SPATA22: variants seen among roughly 807,000 people sequenced by gnomAD.
The protein encoded by SPATA22 is spermatogenesis-associated protein 22.
Under a neutral mutation model 47.8 loss-of-function variants are expected in SPATA22, and 29 were observed. That is an observed-to-expected ratio of 0.61 (90% confidence interval 0.45 to 0.83). SPATA22 has a LOEUF of 0.83. SPATA22 is among the 40% of genes least tolerant of loss of function. The pLI is 0.00. For synonymous variants in SPATA22, 133 were observed against 140.9 expected (o/e 0.94, Z 0.40); for missense variants, 410 against 421.7 (o/e 0.97, Z 0.24).
chr17:3,468,096 G>A (rs2073353813), intron 2 of SPATA22: 1 of 152,148 alleles, frequency 6.6e-6, no homozygotes, highest in South Asian at 2.1e-4. Flanking sequence ...TCAAAACTCT[G>A]CAATTTTAAC....
At position 3,493,286 on chromosome 17, in the gene SPATA22, G is replaced by A. The variant is rs2073853742; in HGVS notation, c.-74+20126C>T. Among the ~76,000 whole-genome samples the A allele has an allele frequency of 2.0e-5, 3 of 152,164 alleles. No homozygotes were observed. In the South Asian group the frequency reaches 6.2e-4, roughly 31 times the overall value. On this transcript the variant is annotated intron_variant, in intron 1 of 8. Transcript: ENST00000541913. ...GTACTTAGTTAAGAAAAAGAGGCTG[G>A]GCATGGTGGCTCACGCCTGTAATCC...
intron 1 of SPATA22, among the ~76,000 whole-genome samples, chr17:3,507,203 T>C (rs551991280): frequency 6.6e-6 from 1 of 152,178 alleles, no homozygotes; most frequent in Non-Finnish European, 1.5e-5. Context: ...TTAAGAAGTA[T>C]GATGGTTTTG....
intron 1 of SPATA22, among the ~76,000 whole-genome samples, chr17:3,480,008 T>C (rs903573825): frequency 6.0e-5 from 9 of 151,158 alleles, no homozygotes; most frequent in Non-Finnish European, 8.8e-5. Context: ...AAAATACATA[T>C]ATCTGTACCT....
chr17:3,453,562 G>GT lies in SPATA22; in HGVS notation c.330-4414dup, dbSNP rs1188685413. ...ACATCATAATGGGGGAAAACTGAAA[G>GT]TTTTTTTTCAAAGATCCAGTACGAC... is the stretch of plus-strand genomic sequence containing the variant. On this transcript the variant is annotated intron_variant, in intron 5 of 8. Coordinates refer to ENST00000572969, the MANE Select transcript of SPATA22 (RefSeq NM_001170698.2). Among the ~76,000 whole-genome samples, 5 of 152,056 alleles carry GT rather than the reference G, an allele frequency of 3.3e-5. No individual in the cohort carries two copies. The South Asian group carries it at 1.0e-3, about 32-fold the overall frequency.
Position 3,440,318 on chromosome 17 carries a change from C to A in SPATA22, c.921G>T (p.Leu307=), listed in dbSNP as rs759295123. ...FYEIDRELPR[L]IRGRVHRCVG... Reference sequence around the variant, plus strand: ...CACATCTATGAACTCGGCCTCTAATCAGTCTCGGAAGTTCACGATCCTGTT... The same window carrying A: ...CACATCTATGAACTCGGCCTCTAATAAGTCTCGGAAGTTCACGATCCTGTT... Residue 307 remains leucine (L), a synonymous_variant, in exon 9 of 9, where the codon CTG becomes CTT. Transcript: ENST00000572969. 2 of 1,551,968 alleles carry A rather than the reference C, an allele frequency of 1.3e-6. No individual in the cohort carries two copies. The highest frequency in any genetic ancestry group is 1.7e-6 in the Non-Finnish European group (2 of 1,146,668).
intron 2 of SPATA22, among the ~76,000 whole-genome samples, chr17:3,469,049 A>G (rs1388920359): frequency 6.6e-6 from 1 of 152,222 alleles, no homozygotes; most frequent in East Asian, 1.9e-4. Context: ...ACTCAAGCAC[A>G]TCGAATTTGT....
chr17:3,479,633 C>A (rs1212094880), intron 1 of SPATA22, among the ~76,000 whole-genome samples: 2 of 152,028 alleles, frequency 1.3e-5, no homozygotes, highest in Non-Finnish European at 2.9e-5. Flanking sequence ...TTCCACCTTC[C>A]CCCTGCACCG....
intron 1 of SPATA22, among the ~76,000 whole-genome samples, chr17:3,493,990 T>C (rs1035778218): frequency 6.6e-6 from 1 of 152,134 alleles, no homozygotes; most frequent in African/African-American, 2.4e-5. Context: ...ATTGTTGCTG[T>C]TGTTATTATT....
chr17:3,460,861 A>C (rs190848110), intron 5 of SPATA22, among the ~76,000 whole-genome samples: 5 of 151,528 alleles, frequency 3.3e-5, no homozygotes, highest in South Asian at 2.1e-4. Flanking sequence ...TCCTCAACTG[A>C]GATGTCTTAA....
In SPATA22 at chr17:3,490,037, C is replaced by T. The variant is rs1321562407; in HGVS notation, c.-73-20639G>A. Among the ~76,000 whole-genome samples the T allele has an allele frequency of 2.6e-5, 4 of 152,052 alleles. No homozygotes were observed. The highest frequency in any genetic ancestry group is 4.8e-5 in the African/African-American group (2 of 41,402). Reference sequence around the variant, plus strand: ...AATTAGCAGAAAGCAAGTTGCAGACCAAGACATTCAGTACACCAATTGGCT... The same window carrying T: ...AATTAGCAGAAAGCAAGTTGCAGACTAAGACATTCAGTACACCAATTGGCT... On this transcript the variant is annotated intron_variant, in intron 1 of 8. Transcript: ENST00000541913. This position sits in a 1 kb window ranked among gnomAD's most constrained non-coding sequence, Gnocchi z 4.6.
chr17:3,456,244 T>G (rs993746236), intron 5 of SPATA22, among the ~76,000 whole-genome samples: 2 of 151,376 alleles, frequency 1.3e-5, no homozygotes, highest in African/African-American at 4.9e-5. Context: ...CTTCAAAAAA[T>G]TAATGAATCC....
At chr17:3,464,018 C>T (rs964767992) in intron 3 of SPATA22, among the ~76,000 whole-genome samples, 59 of 144,904 alleles carry the variant, frequency 4.1e-4, no homozygotes, top group African/African-American at 1.4e-3. Context: ...CCACGGTCTC[C>T]CTCTCATGCC....
In SPATA22 at chr17:3,490,007, A is replaced by G. The variant is rs1326368705; in HGVS notation, c.-73-20609T>C. Among the ~76,000 whole-genome samples, 1 of 152,206 alleles carries G rather than the reference A, an allele frequency of 6.6e-6. No individual in the cohort carries two copies. The highest frequency in any genetic ancestry group is 2.4e-5 in the African/African-American group (1 of 41,456). On this transcript the variant is annotated intron_variant, in intron 1 of 8. Coordinates refer to the SPATA22 transcript ENST00000541913. The surrounding 1 kb of genome is among the most constrained non-coding windows in gnomAD (Gnocchi z 4.6). ...AACATGGAAGAATCTTCAAAACACA[A>G]TGGTAATTAGCAGAAAGCAAGTTGC...
At chr17:3,446,844 C>T (rs944239969) in intron 6 of SPATA22, among the ~76,000 whole-genome samples, 1 of 152,108 alleles carries the variant, frequency 6.6e-6, no homozygotes, top group African/African-American at 2.4e-5. Flanking sequence ...TTCATTCACT[C>T]ATTCATTCAT....
At chr17:3,500,999 A>G (rs1312446245) in intron 1 of SPATA22, 2 of 152,018 alleles carry the variant, frequency 1.3e-5, no homozygotes, top group Non-Finnish European at 2.9e-5. Flanking sequence ...ACAATACACC[A>G]TGTTACCCAA....
At chr17:3,469,246 T>C (rs1171169855) in intron 2 of SPATA22, 37 bp downstream of exon 2, 1 of 939,112 alleles carries the variant, frequency 1.1e-6, no homozygotes, top group Non-Finnish European at 1.7e-6. Flanking sequence ...CTTTATATGC[T>C]ATACAGAAAA....
At chr17:3,461,962 A>G (rs1037115558) in intron 5 of SPATA22, among the ~76,000 whole-genome samples, 33 of 152,238 alleles carry the variant, frequency 2.2e-4, no homozygotes, top group Non-Finnish European at 4.3e-4. Flanking sequence ...CCTTATGGCA[A>G]GAACCCTCAC....
intron 1 of SPATA22, among the ~76,000 whole-genome samples, chr17:3,480,990 C>T (rs990976368): frequency 1.1e-4 from 16 of 151,908 alleles, no homozygotes; most frequent in Admixed American, 6.6e-5. Flanking sequence ...CATGGTGGCA[C>T]GCACCTGTAG....
chr17:3,446,921 G>T (rs2072738895), intron 6 of SPATA22, among the ~76,000 whole-genome samples: 2 of 152,058 alleles, frequency 1.3e-5, no homozygotes, highest in African/African-American at 4.8e-5. Flanking sequence ...CCTTTCCCTA[G>T]TGCACTCACA....
Sources: allele counts gnomAD v4.1 joint callset (sites outside exome capture counted in the v4.1 genomes callset), GRCh38; gene constraint gnomAD v4.1.1; non-coding constraint Gnocchi (gnomAD v3.1); transcripts MANE v1.5; gene names NCBI Gene and HGNC (gene_info 2026-07-23, HGNC 2026-07-21).